NRAP: variants seen among roughly 807,000 people sequenced by gnomAD.
NRAP encodes nebulin related anchoring protein.
A neutral mutation model predicts 225.9 loss-of-function variants in NRAP; 189 were observed. That is an observed-to-expected ratio of 0.84 (90% CI 0.74 to 0.94). NRAP has a LOEUF of 0.94. Ranked by LOEUF, NRAP falls within the 40% of genes least tolerant of loss-of-function variation. The pLI is 0.00. For missense variants in NRAP, 2,176 were observed against 2,168.7 expected (o/e 1.00, Z -0.07); for synonymous variants, 769 against 790.7 (o/e 0.97, Z 0.46).
At chr10:113,589,196 CTTTCCT>C in intron 41 of NRAP, 117 bp from the exon 42 acceptor site, 1 of 767,170 alleles carries the variant, frequency 1.3e-6, no homozygotes, top group Non-Finnish European at 2.1e-6. Flanking sequence ...CTCACCCTCC[CTTTCCT>C]TTTCCCCTCT....
At chr10:113,624,708 C>T (rs3127086) in intron 22 of NRAP, 118 bp downstream of exon 22, 1 of 714,344 alleles carries the variant, frequency 1.4e-6, no homozygotes. Context: ...TTACAACAAC[C>T]AGATGTATGT....
At chr10:113,597,254 A>G in intron 36 of NRAP, 70 bp from the exon 37 acceptor site, 1 of 953,714 alleles carries the variant, frequency 1.0e-6, no homozygotes, top group South Asian at 1.3e-5. Flanking sequence ...GTGCAGCTTC[A>G]CTCCACCTTC....
chr10:113,630,357 A>G (rs1174540041), intron 18 of NRAP, among the ~76,000 whole-genome samples: 1 of 152,084 alleles, frequency 6.6e-6, no homozygotes, highest in African/African-American at 2.4e-5. Flanking sequence ...TGGTGATGGT[A>G]GTGATGATGG....
At chr10:113,602,924 G>A (rs978580173) in intron 35 of NRAP, among the ~76,000 whole-genome samples, 2 of 152,110 alleles carry the variant, frequency 1.3e-5, no homozygotes, top group African/African-American at 4.8e-5. Context: ...TGGGTGGTGG[G>A]GTGCTATGGA....
intron 27 of NRAP, among the ~76,000 whole-genome samples, 165 bp downstream of exon 27, chr10:113,615,547 A>T (rs545197951): frequency 2.4e-4 from 36 of 152,176 alleles, no homozygotes; most frequent in Non-Finnish European, 3.5e-4. Context: ...CCTAGTGCAG[A>T]TGAAAATGTG....
chr10:113,644,365 C>A (rs1470773454), intron 11 of NRAP, among the ~76,000 whole-genome samples: 1 of 152,098 alleles, frequency 6.6e-6, no homozygotes, highest in South Asian at 2.1e-4. Flanking sequence ...CAAAGGCCAG[C>A]AAACTTTTTC....
intron 31 of NRAP, 36 bp from the exon 32 acceptor site, chr10:113,608,548 C>T (rs755810562): frequency 9.6e-6 from 13 of 1,348,892 alleles, no homozygotes; most frequent in African/African-American, 1.5e-5. Flanking sequence ...AAGACGACTC[C>T]GTAAGGGATA....
At position 113,663,729 on chromosome 10, in the gene NRAP, C is replaced by T. The variant is rs535209777; in HGVS notation, c.72+82G>A. On this transcript the variant is annotated intron_variant, in intron 1 of 41. Coordinates refer to ENST00000359988, the MANE Select transcript of NRAP (RefSeq NM_198060.4). ...ACAATTTAACTGAAAATTAAATTTC[C>T]ATATTTACCTATGTCCATATGTGAG... The T allele has an allele frequency of 2.7e-5, 26 of 963,472 alleles. No homozygotes were observed. In the East Asian group the frequency reaches 6.2e-4, roughly 23 times the overall value. 59.7% of individuals were successfully genotyped at this position (963,472 alleles called of 1,614,324 possible). A position where few individuals can be genotyped will look rare whatever the true frequency, so the allele number is the denominator to read the frequency against.
At chr10:113,644,147 CAAAAAAAAAA>C (rs60015356) in intron 11 of NRAP, among the ~76,000 whole-genome samples, 585 of 48,014 alleles carry the variant, frequency 0.012, 24 homozygotes, top group Middle Eastern at 0.1. Flanking sequence ...AACTCCCTCT[CAAAAAAAAAA>C]AAAAAAAAAA....
rs202079471 is a variant in NRAP, at chr10:113,589,773, G to A, written c.4981C>T (p.Leu1661=). The change falls in exon 41 of 42, where the codon CTG becomes TTG. Residue 1661 remains leucine, a synonymous_variant. Coordinates refer to ENST00000359988, the MANE Select transcript of NRAP (RefSeq NM_198060.4). Reference sequence around the variant, plus strand: ...GGGGTCCAGCCAACACCTCTGGTCAGGTTCAAGTCTGATTTATACTTGACC... The same window carrying A: ...GGGGTCCAGCCAACACCTCTGGTCAAGTTCAAGTCTGATTTATACTTGACC... ...SDVKYKSDLN[L]TRGVGWTPPG... 2.5e-5 allele frequency: 41 copies of A among 1,614,000 alleles called. No individual in the cohort carries two copies. In the South Asian group the frequency reaches 2.7e-4, roughly 11 times the overall value.
At position 113,615,730 on chromosome 10, in the gene NRAP, A is replaced by G; in HGVS notation, c.3060T>C (p.Asn1020=). 1.2e-6 allele frequency: 2 copies of G among 1,606,124 alleles called. No homozygotes were observed. The highest frequency in any genetic ancestry group is 1.7e-6 in the Non-Finnish European group (2 of 1,172,740). Residue 1020 remains asparagine (N), a synonymous_variant, in exon 27 of 42, where the codon AAT becomes AAC. Transcript: ENST00000359988. ...DLPEVLLAKL[N]AMNISETRYK... is the part of the protein sequence containing the mutation. Reference sequence around the variant, plus strand: ...GCCTCACCTCACTGATATTCATGGCATTCAGCTTGGCCAGCAGGACTTCAG... The same window carrying G: ...GCCTCACCTCACTGATATTCATGGCGTTCAGCTTGGCCAGCAGGACTTCAG...
chr10:113,612,261 G>T lies in NRAP; in HGVS notation c.3471C>A (p.Ala1157=). Residue 1157 remains alanine, a synonymous_variant, in exon 30 of 42, where the codon GCC becomes GCA. Transcript: ENST00000359988. ...CACTCTGCAATTTGTGAGCTTTCTT[G>T]GCACAGCTCAGCCTCAGGTCTTCTG... ...SLAEDLRLSC[A]KKAHKLQSEN... is the part of the protein sequence containing the mutation. 1 of 1,614,100 alleles carries T rather than the reference G, an allele frequency of 6.2e-7. No individual in the cohort carries two copies. Among genetic ancestry groups the T allele is most frequent in the Non-Finnish European group, 8.5e-7 (1 of 1,179,986 alleles).
intron 35 of NRAP, among the ~76,000 whole-genome samples, chr10:113,600,685 C>T (rs1413519838): frequency 6.6e-6 from 1 of 152,144 alleles, no homozygotes; most frequent in Non-Finnish European, 1.5e-5. Flanking sequence ...GAGCTAGAAG[C>T]CTCACTGTGC....
Position 113,620,594 on chromosome 10 carries a change from GA to G in NRAP, c.2874+9del. ...AGCCAGGCCTGTTACAGGCTGTCAG[GA>G]AATCTCACCTCGCTAATGAGTTCTC... is the stretch of plus-strand genomic sequence containing the variant. On this transcript the variant is annotated intron_variant, in intron 25 of 41. Transcript: ENST00000359988. The G allele has an allele frequency of 6.4e-7, 1 of 1,570,096 alleles. No individual in the cohort carries two copies. The highest frequency in any genetic ancestry group is 8.8e-7 in the Non-Finnish European group (1 of 1,140,002).
chr10:113,596,127 T>G (rs1846276817), intron 37 of NRAP, among the ~76,000 whole-genome samples: 1 of 152,208 alleles, frequency 6.6e-6, no homozygotes, highest in African/African-American at 2.4e-5. Flanking sequence ...TTGTTTAACA[T>G]TAATGGTGAT....
chr10:113,611,701 C>T (rs1847331943), intron 30 of NRAP, among the ~76,000 whole-genome samples: 1 of 152,218 alleles, frequency 6.6e-6, no homozygotes, highest in Non-Finnish European at 1.5e-5. Flanking sequence ...TTCTGAGCAG[C>T]CTCTCCCAAC....
intron 15 of NRAP, 109 bp downstream of exon 15, chr10:113,634,003 C>G (rs570104989): frequency 2.7e-6 from 2 of 737,872 alleles, no homozygotes; most frequent in East Asian, 5.0e-5. Flanking sequence ...TGTAATAAGA[C>G]ATGTGTCACA....
At chr10:113,646,021 G>T in intron 10 of NRAP, 80 bp from the exon 11 acceptor site, 1 of 706,328 alleles carries the variant, frequency 1.4e-6, no homozygotes, top group Non-Finnish European at 2.3e-6. Flanking sequence ...GTTATCCTGG[G>T]CTTAATGTCA....
chr10:113,646,547 T>C (rs1849520606), intron 10 of NRAP, among the ~76,000 whole-genome samples: 1 of 152,208 alleles, frequency 6.6e-6, no homozygotes, highest in African/African-American at 2.4e-5. Flanking sequence ...ATTCTGCCAA[T>C]AAAAATCATT....
Sources: gnomAD v4.1 joint callset for allele counts (sites outside exome capture counted in the v4.1 genomes callset) on GRCh38, gnomAD v4.1.1 for gene constraint, MANE v1.5 for transcripts, NCBI Gene and HGNC (gene_info 2026-07-23, HGNC 2026-07-21) for gene names.